DNAH9: variants seen among roughly 807,000 people sequenced by gnomAD.
DNAH9 encodes the protein DNAH9 variant protein.
A neutral mutation model predicts 471.6 loss-of-function variants in DNAH9; 345 were observed. The observed-to-expected ratio is 0.73, with a 90% CI of 0.67 to 0.80. DNAH9 has a LOEUF of 0.80. Ranked by LOEUF, DNAH9 falls within the 30% of genes least tolerant of loss-of-function variation. The probability of loss-of-function intolerance (pLI) is 0.00; values close to 1 mark genes in which losing one functional copy is unlikely to be tolerated. For missense variants in DNAH9, 5,407 were observed against 5,609.2 expected (o/e 0.96, Z 1.15); for synonymous variants, 2,093 against 2,123.6 (o/e 0.99, Z 0.40).
chr17:11,922,435 T>C (rs1027726554), intron 61 of DNAH9, among the ~76,000 whole-genome samples: 1 of 152,226 alleles, frequency 6.6e-6, no homozygotes, highest in Admixed American at 6.5e-5. Context: ...AAGAATATTA[T>C]GTAATTTCTC....
intron 49 of DNAH9, among the ~76,000 whole-genome samples, chr17:11,847,934 G>T (rs1345296599): frequency 1.3e-5 from 2 of 149,996 alleles, no homozygotes; most frequent in Admixed American, 1.3e-4. Context: ...TCCACTAACG[G>T]TTACAGCTCG....
At chr17:11,645,158 A>G (rs946898364) in intron 11 of DNAH9, among the ~76,000 whole-genome samples, 2 of 152,246 alleles carry the variant, frequency 1.3e-5, no homozygotes, top group African/African-American at 4.8e-5. Context: ...AAGTCTTTCC[A>G]GGGCTTAGGG....
Position 11,608,215 on chromosome 17 carries a change from C to A in DNAH9, c.504C>A (p.Ser168Arg). 6.2e-7 allele frequency: 1 copy of A among 1,614,016 alleles called. No individual in the cohort carries two copies. Among genetic ancestry groups the A allele is most frequent in the South Asian group, 1.1e-5 (1 of 91,076 alleles). ...ICEDVRRHAH[S>R]LQCDLSVILE... ...AGGATGTCAGGCGGCACGCCCACAG[C>A]CTCCAATGTGACCTCTCAGTTATAC... is the stretch of plus-strand genomic sequence containing the variant. The change falls in exon 2 of 69, where the codon AGC becomes AGA. Residue 168 changes from serine (S) to arginine (R), a missense_variant. By Grantham distance (110) the Ser-to-Arg change is moderately radical. Coordinates refer to ENST00000262442, the MANE Select transcript of DNAH9 (RefSeq NM_001372.4).
intron 7 of DNAH9, chr17:11,630,189 C>T (rs1463169997): frequency 6.5e-6 from 1 of 152,770 alleles, no homozygotes; most frequent in African/African-American, 2.4e-5. Flanking sequence ...AATCCCAGCA[C>T]TTTGGGAGGA....
intron 61 of DNAH9, among the ~76,000 whole-genome samples, chr17:11,919,714 G>A (rs185612492): frequency 3.0e-4 from 46 of 152,194 alleles, no homozygotes; most frequent in African/African-American, 9.6e-4. Context: ...AAGTTGAGTA[G>A]TAAGTGCGGA....
At chr17:11,916,666 C>T (rs891067622) in intron 61 of DNAH9, among the ~76,000 whole-genome samples, 15 of 152,204 alleles carry the variant, frequency 9.9e-5, no homozygotes, top group African/African-American at 2.9e-4. Flanking sequence ...TCACTGTCTT[C>T]CTCCGTTTAG....
intron 60 of DNAH9, among the ~76,000 whole-genome samples, chr17:11,905,144 G>T (rs1024054198): frequency 6.6e-6 from 1 of 151,772 alleles, no homozygotes; most frequent in African/African-American, 2.4e-5. Context: ...TGAGGCAGGG[G>T]AATCACTTGA....
intron 26 of DNAH9, among the ~76,000 whole-genome samples, chr17:11,715,417 C>T (rs2074941802): frequency 6.6e-6 from 1 of 152,098 alleles, no homozygotes; most frequent in Non-Finnish European, 1.5e-5. Context: ...CAATTAGAAC[C>T]AGCCCACTGT....
intron 39 of DNAH9, among the ~76,000 whole-genome samples, chr17:11,782,952 ATTACT>A (rs1310451471): frequency 2.6e-5 from 4 of 152,198 alleles, no homozygotes; most frequent in African/African-American, 7.2e-5. Flanking sequence ...GGGTTAAAAA[ATTACT>A]TTATAATTAC....
chr17:11,731,230 A>G (rs545484044), intron 28 of DNAH9, among the ~76,000 whole-genome samples: 122 of 151,932 alleles, frequency 8.0e-4, no homozygotes, highest in Non-Finnish European at 1.3e-3. Flanking sequence ...GGTGGTGGCA[A>G]TGATGGTGAT....
rs769024059 is a variant in DNAH9 at position 11,797,726 on chromosome 17, T to A, written c.8353T>A (p.Leu2785Met). The A allele has an allele frequency of 1.2e-6, 2 of 1,614,212 alleles. No individual in the cohort carries two copies. The highest frequency in any genetic ancestry group is 1.7e-6 in the Non-Finnish European group (2 of 1,180,040). ...ELLTQTLVEA[L>M]ENHNEVNTVM... is the part of the protein sequence containing the mutation. ...TTTGACCCAGACTCTGGTGGAGGCC[T>A]TGGAGAACCACAATGAAGTCAACAC... Residue 2785 changes from leucine to methionine, a missense_variant, in exon 43 of 69, where the codon TTG becomes ATG. Leu to Met is a conservative substitution (Grantham distance 15, BLOSUM62 2). Coordinates refer to ENST00000262442, the MANE Select transcript of DNAH9 (RefSeq NM_001372.4).
chr17:11,766,968 CAAA>C (rs57248598), intron 36 of DNAH9, among the ~76,000 whole-genome samples: 47 of 139,626 alleles, frequency 3.4e-4, no homozygotes, highest in African/African-American at 1.0e-3. Context: ...GACTCTGTCT[CAAA>C]AAAAAAAAAA....
chr17:11,668,918 G>A (rs371975167), intron 15 of DNAH9, 146 bp from the exon 16 acceptor site: 2 of 625,964 alleles, frequency 3.2e-6, no homozygotes, highest in East Asian at 2.7e-5. Flanking sequence ...TGTATGGGAT[G>A]TAAACAAAAT....
Position 11,962,135 on chromosome 17 carries a change from T to C in DNAH9, c.13112T>C (p.Leu4371Pro), listed in dbSNP as rs775479675. ...QSTARKNEWP[L>P]DQMALQCDMT... is the part of the protein sequence containing the mutation. Reference sequence around the variant, plus strand: ...ACGGCTCGCAAGAATGAGTGGCCACTGGACCAGATGGCCCTGCAATGTGAC... The same window carrying C: ...ACGGCTCGCAAGAATGAGTGGCCACCGGACCAGATGGCCCTGCAATGTGAC... The change falls in exon 68 of 69, where the codon CTG (leucine) becomes CCG (proline). Residue 4371 changes from leucine to proline, a missense_variant. By Grantham distance (98) the Leu-to-Pro change is moderately conservative. This residue lies in a region of DNAH9 where 4,636 missense variants were observed against 4,900.3 expected (regional missense o/e 0.95). Coordinates refer to ENST00000262442, the MANE Select transcript of DNAH9 (RefSeq NM_001372.4). The surrounding 1 kb of genome is among the most constrained non-coding windows in gnomAD (Gnocchi z 4.1). 2 of 1,613,986 alleles carry C rather than the reference T, an allele frequency of 1.2e-6. No individual in the cohort carries two copies. Among genetic ancestry groups the C allele is most frequent in the Non-Finnish European group, 1.7e-6 (2 of 1,180,016 alleles).
chr17:11,810,444 G>A (rs753872170), intron 45 of DNAH9, 75 bp downstream of exon 45: 194 of 1,539,442 alleles, frequency 1.3e-4, no homozygotes, highest in South Asian at 1.8e-4. Context: ...TGAAGATTTC[G>A]TCCAGGGTGG....
intron 34 of DNAH9, among the ~76,000 whole-genome samples, chr17:11,757,034 A>G (rs1335484480): frequency 6.6e-6 from 1 of 150,458 alleles, no homozygotes; most frequent in East Asian, 1.9e-4. Context: ...AGACTGGAAG[A>G]TTTTTTTTTT....
At chr17:11,707,114 T>C (rs1193970503) in intron 26 of DNAH9, among the ~76,000 whole-genome samples, 1 of 152,182 alleles carries the variant, frequency 6.6e-6, no homozygotes, top group East Asian at 1.9e-4. Context: ...TTAATTCCAC[T>C]GAGATTTCTG....
At chr17:11,629,089 T>C (rs1470302596) in intron 6 of DNAH9, among the ~76,000 whole-genome samples, 1 of 151,096 alleles carries the variant, frequency 6.6e-6, no homozygotes, top group Non-Finnish European at 1.5e-5. Context: ...TTTAACTCTT[T>C]TTTTTTTTTA....
intron 63 of DNAH9, among the ~76,000 whole-genome samples, chr17:11,931,434 A>G (rs1214263764): frequency 1.3e-5 from 2 of 152,214 alleles, no homozygotes; most frequent in Admixed American, 1.3e-4. Context: ...GATGAAGACC[A>G]TGTAACAGTC....
Sources: gnomAD v4.1 joint callset for allele counts (sites outside exome capture counted in the v4.1 genomes callset) on GRCh38, gnomAD v4.1.1 for gene constraint, gnomAD v4.1.1 regional missense constraint, Gnocchi (gnomAD v3.1) non-coding constraint, MANE v1.5 for transcripts, NCBI Gene and HGNC (gene_info 2026-07-23, HGNC 2026-07-21) for gene names.